Variants in XKR4 observed in about 807,000 individuals in gnomAD.
XKR4 encodes XK-related protein 4.
XKR4 carries 12 observed loss-of-function variants against 53.9 expected under a neutral mutation model. The ratio of observed to expected loss-of-function variants is 0.22; its 90% CI spans 0.14 to 0.36. The LOEUF (loss-of-function observed/expected upper bound fraction) is 0.36. XKR4 is among the 10% of genes least tolerant of loss of function. The pLI, the probability that XKR4 is intolerant of heterozygous loss-of-function variation, is 1.00. For missense variants in XKR4, 799 were observed against 859.5 expected (o/e 0.93, Z 0.88); for synonymous variants, 354 against 362.4 (o/e 0.98, Z 0.26).
Position 55,494,450 on chromosome 8 carries a change from C to G in XKR4, c.1007-28831C>G, listed in dbSNP as rs56081101. On this transcript the variant is annotated intron_variant, in intron 2 of 2. Coordinates refer to ENST00000327381, the MANE Select transcript of XKR4 (RefSeq NM_052898.2). ...GTTTGTGTTACAGCTCTTTTAGCCCCGCCATTCAATGGGTCCCAAGTTCTT... is the reference window on the plus strand; with the variant it reads ...GTTTGTGTTACAGCTCTTTTAGCCCGGCCATTCAATGGGTCCCAAGTTCTT... 2.5e-4 allele frequency among the ~76,000 whole-genome samples: 38 copies of G among 152,306 alleles called. 1 individual carries two copies. In the South Asian group the frequency reaches 6.6e-3, roughly 27 times the overall value.
chr8:55,266,999 A>T (rs1818613273), intron 1 of XKR4, among the ~76,000 whole-genome samples: 1 of 152,184 alleles, frequency 6.6e-6, no homozygotes, highest in African/African-American at 2.4e-5. Context: ...CAATGACAAG[A>T]TCAAAGATCA....
chr8:55,104,241 G>A (rs1349794120), intron 1 of XKR4, among the ~76,000 whole-genome samples: 3 of 148,672 alleles, frequency 2.0e-5, no homozygotes, highest in African/African-American at 7.4e-5. Context: ...ACTTTTATAT[G>A]CTACTAGCAG....
intron 2 of XKR4, chr8:55,449,787 A>G: frequency 2.5e-6 from 3 of 1,194,868 alleles, no homozygotes; most frequent in Non-Finnish European, 3.7e-6. Flanking sequence ...CGGGCCTTCC[A>G]GGGCTTCATG....
intron 2 of XKR4, chr8:55,451,832 T>C: frequency 1.1e-6 from 1 of 932,298 alleles, no homozygotes; most frequent in Non-Finnish European, 1.7e-6. Context: ...AGGCTGCTCA[T>C]GGTCATGCCG....
At chr8:55,487,434 A>G (rs1347591240) in intron 2 of XKR4, among the ~76,000 whole-genome samples, 2 of 151,494 alleles carry the variant, frequency 1.3e-5, no homozygotes, top group Non-Finnish European at 2.9e-5. Context: ...CACACCCAAA[A>G]TAATGCATTT....
At chr8:55,448,785 C>G (rs1787233936) in intron 2 of XKR4, among the ~76,000 whole-genome samples, 1 of 152,168 alleles carries the variant, frequency 6.6e-6, no homozygotes, top group Non-Finnish European at 1.5e-5. Flanking sequence ...AAGCTAGAAA[C>G]CACATTTTGT....
intron 2 of XKR4, among the ~76,000 whole-genome samples, chr8:55,440,268 A>T (rs958368564): frequency 3.3e-5 from 5 of 152,214 alleles, no homozygotes; most frequent in Admixed American, 3.3e-4. Context: ...TTCTATAAAA[A>T]AGGTAGAAGA....
chr8:55,410,178 C>A (rs558977278), intron 2 of XKR4, among the ~76,000 whole-genome samples: 4 of 152,274 alleles, frequency 2.6e-5, no homozygotes, highest in East Asian at 3.9e-4. Context: ...ACTCACCCCC[C>A]TTCTGGCTGC....
At chr8:55,339,715 T>C (rs546180477) in intron 1 of XKR4, among the ~76,000 whole-genome samples, 88 of 152,340 alleles carry the variant, frequency 5.8e-4, no homozygotes, top group Non-Finnish European at 9.6e-4. Context: ...TGCTAGACAG[T>C]AAATTAGAAA....
chr8:55,524,744 A>G lies in XKR4; in HGVS notation c.*517A>G, dbSNP rs764716776. On this transcript the variant is annotated 3_prime_UTR_variant, in exon 3 of 3. Coordinates refer to ENST00000327381, the MANE Select transcript of XKR4 (RefSeq NM_052898.2). ...GGAAACATCCCTCGAGAAAAAAAATAGTATTGCTTAGAAAAGAAACCATTT... is the reference window on the plus strand; with the variant it reads ...GGAAACATCCCTCGAGAAAAAAAATGGTATTGCTTAGAAAAGAAACCATTT... The G allele has an allele frequency of 1.3e-5, 2 of 152,982 alleles. No homozygotes were observed. Among genetic ancestry groups the G allele is most frequent in the African/African-American group, 4.8e-5 (2 of 41,454 alleles). 9.5% of individuals were successfully genotyped at this position (152,982 alleles called of 1,614,324 possible). A position where few individuals can be genotyped will look rare whatever the true frequency, so the allele number is the denominator to read the frequency against.
intron 2 of XKR4, among the ~76,000 whole-genome samples, chr8:55,394,829 C>T (rs1392251549): frequency 6.6e-6 from 1 of 152,110 alleles, no homozygotes; most frequent in Non-Finnish European, 1.5e-5. Flanking sequence ...ATTTAGAGTT[C>T]CCCAGCATCA....
chr8:55,424,092 T>A lies in XKR4; in HGVS notation c.1006+66215T>A, dbSNP rs1407179024. ...GCTTATCTGTAGGAGCACATGCAAC[T>A]GACTGGCAATTAATTTGATTTTGCA... On this transcript the variant is annotated intron_variant, in intron 2 of 2. Transcript: ENST00000327381. Among the ~76,000 whole-genome samples the A allele has an allele frequency of 1.3e-5, 2 of 152,210 alleles. 1 individual carries two copies.
intron 2 of XKR4, among the ~76,000 whole-genome samples, chr8:55,478,100 T>G (rs1018543198): frequency 6.6e-6 from 1 of 151,846 alleles, no homozygotes; most frequent in Non-Finnish European, 1.5e-5. Context: ...AGACACATAA[T>G]TGTCAGATTC....
rs187562739 is a variant in XKR4, at chr8:55,383,206, C to T, written c.1006+25329C>T. Among the ~76,000 whole-genome samples the T allele has an allele frequency of 4.1e-4, 63 of 152,242 alleles. No homozygotes were observed. In the East Asian group the frequency reaches 0.011, roughly 26 times the overall value. ...CCAGCCTGGATGACAGAGGGAGACT[C>T]CGTCTCAAAAAATAACAATGAAAAA... On this transcript the variant is annotated intron_variant, in intron 2 of 2. Coordinates refer to ENST00000327381, the MANE Select transcript of XKR4 (RefSeq NM_052898.2).
chr8:55,429,732 GGAAAAAAAAAAA>G (rs1267570687), intron 2 of XKR4, among the ~76,000 whole-genome samples: 1 of 135,626 alleles, frequency 7.4e-6, no homozygotes, highest in East Asian at 2.0e-4. Flanking sequence ...CTGTCTTTCT[GGAAAAAAAAAAA>G]GAAAAGAAAA....
chr8:55,280,224 TTA>T (rs1436366991), intron 1 of XKR4, among the ~76,000 whole-genome samples: 1 of 152,184 alleles, frequency 6.6e-6, no homozygotes, highest in Non-Finnish European at 1.5e-5. Context: ...CAAATTGTTT[TTA>T]TGTTTGTCAG....
chr8:55,128,842 G>C (rs1816512958), intron 1 of XKR4, among the ~76,000 whole-genome samples: 2 of 152,330 alleles, frequency 1.3e-5, no homozygotes, highest in South Asian at 4.1e-4. Context: ...GGCACCTGCT[G>C]TCATCCATGC....
chr8:55,491,013 G>C (rs1486677560), intron 2 of XKR4, among the ~76,000 whole-genome samples: 2 of 151,722 alleles, frequency 1.3e-5, no homozygotes, highest in Non-Finnish European at 2.9e-5. Flanking sequence ...AGGCTCAGAT[G>C]GGTTTTTCCA....
chr8:55,286,650 T>G (rs10088834), intron 1 of XKR4, among the ~76,000 whole-genome samples: 8,567 of 152,194 alleles, frequency 0.056, 358 homozygotes, highest in African/African-American at 0.11. Context: ...GGAAACAGAT[T>G]TACATGCCTT....
Sources: allele counts gnomAD v4.1 joint callset (sites outside exome capture counted in the v4.1 genomes callset), GRCh38; gene constraint gnomAD v4.1.1; transcripts MANE v1.5; gene names NCBI Gene and HGNC (gene_info 2026-07-23, HGNC 2026-07-21).